Variants in DNAJC1 observed in about 807,000 individuals in gnomAD.
The protein encoded by DNAJC1 is dnaJ homolog subfamily C member 1.
DNAJC1 carries 58 observed loss-of-function variants against 76.6 expected under a neutral mutation model. The ratio of observed to expected loss-of-function variants is 0.76; its 90% CI spans 0.61 to 0.94. The LOEUF is 0.94. Among genes scored for constraint, DNAJC1 ranks in the 40% least tolerant of loss-of-function variants. The pLI is 0.00. For missense variants in DNAJC1, 689 were observed against 677.3 expected (o/e 1.02, Z -0.19); for synonymous variants, 258 against 267.9 (o/e 0.96, Z 0.36).
chr10:21,826,642 C>A (rs1341096006), intron 8 of DNAJC1, among the ~76,000 whole-genome samples: 1 of 152,160 alleles, frequency 6.6e-6, no homozygotes, highest in Non-Finnish European at 1.5e-5. Flanking sequence ...TTAGCTCTTA[C>A]ATTTATATCT....
At chr10:21,994,570 C>T (rs1262371578) in intron 1 of DNAJC1, among the ~76,000 whole-genome samples, 2 of 152,020 alleles carry the variant, frequency 1.3e-5, no homozygotes, top group Non-Finnish European at 2.9e-5. Flanking sequence ...AGGTGGATCA[C>T]GAGGTCAGGA....
At chr10:21,853,743 G>A (rs1008683286) in intron 8 of DNAJC1, among the ~76,000 whole-genome samples, 7 of 126,388 alleles carry the variant, frequency 5.5e-5, no homozygotes, top group African/African-American at 2.2e-4. Flanking sequence ...GCAGTAAGCC[G>A]AGATTGCACA....
chr10:21,896,854 G>A (rs1378058595), intron 7 of DNAJC1, among the ~76,000 whole-genome samples: 3 of 152,092 alleles, frequency 2.0e-5, no homozygotes, highest in African/African-American at 4.8e-5. Context: ...AGGTGATGAG[G>A]TCATGAGGGC....
rs568239985 is a variant in DNAJC1, at chr10:21,777,244, T to G, written c.1099-10935A>C. On this transcript the variant is annotated intron_variant, in intron 9 of 11. Transcript: ENST00000376980. ...AGGTAAGATATAGGGCTCTGATGAG[T>G]AAGTACAAATTACAAATTCAGTATA... Among the ~76,000 whole-genome samples, 291 of 152,238 alleles carry G rather than the reference T, an allele frequency of 1.9e-3. 2 individuals carry two copies. The highest frequency in any genetic ancestry group is 0.01 in the Middle Eastern group (3 of 294).
In DNAJC1 at chr10:21,841,655, G is replaced by T. The variant is rs1449934814; in HGVS notation, c.979-35556C>A. On this transcript the variant is annotated intron_variant, in intron 8 of 11. Coordinates refer to ENST00000376980, the MANE Select transcript of DNAJC1 (RefSeq NM_022365.4). The stretch of plus-strand genomic sequence containing the variant: ...TAGGAACATTTTTACACTGTTGGTG[G>T]GACTGTAAACTAGTTCAACCATTGT... Among the ~76,000 whole-genome samples the T allele has an allele frequency of 2.0e-5, 3 of 152,264 alleles. No homozygotes were observed. The East Asian group carries it at 5.8e-4, about 29-fold the overall frequency.
chr10:21,947,673 CT>C (rs1032612180), intron 1 of DNAJC1, among the ~76,000 whole-genome samples: 2 of 152,170 alleles, frequency 1.3e-5, no homozygotes, highest in African/African-American at 2.4e-5. Flanking sequence ...ATCGGCACCC[CT>C]AACCCCTCTG....
rs1836710384 is a variant in DNAJC1 at position 21,904,504 on chromosome 10, CTAA to C, written c.820+15_820+17del. The C allele has an allele frequency of 3.5e-6, 5 of 1,444,122 alleles. No homozygotes were observed. Among genetic ancestry groups the C allele is most frequent in the Non-Finnish European group, 4.7e-6 (5 of 1,062,620 alleles). 89.5% of individuals were successfully genotyped at this position (1,444,122 alleles called of 1,614,324 possible). A position where few individuals can be genotyped will look rare whatever the true frequency, so the allele number is the denominator to read the frequency against. Reference sequence around the variant, plus strand: ...AATTTTATATGACATTGTTAAAACACTAATGTTTAAAACTCACTTTGAAGTGTT... The same window carrying C: ...AATTTTATATGACATTGTTAAAACACTGTTTAAAACTCACTTTGAAGTGTT... On this transcript the variant is annotated intron_variant, in intron 7 of 11. Coordinates refer to ENST00000376980, the MANE Select transcript of DNAJC1 (RefSeq NM_022365.4).
intron 8 of DNAJC1, among the ~76,000 whole-genome samples, chr10:21,819,710 A>G (rs756512607): frequency 6.6e-6 from 1 of 151,948 alleles, no homozygotes; most frequent in Non-Finnish European, 1.5e-5. Context: ...CGGGTAGATC[A>G]CCTGAGGTCA....
chr10:21,859,940 C>T (rs1835895464), intron 8 of DNAJC1, among the ~76,000 whole-genome samples: 1 of 152,022 alleles, frequency 6.6e-6, no homozygotes, highest in Non-Finnish European at 1.5e-5. Context: ...TGTGCAACCA[C>T]ATCTGGCTAA....
chr10:21,835,460 G>A (rs894951380), intron 8 of DNAJC1, among the ~76,000 whole-genome samples: 2 of 152,190 alleles, frequency 1.3e-5, no homozygotes, highest in South Asian at 4.1e-4. Context: ...ACCAGCAAGG[G>A]AACAAAGCTG....
At chr10:21,921,021 T>G (rs1052621214) in intron 3 of DNAJC1, 58 bp from the exon 4 acceptor site, 3 of 1,389,648 alleles carry the variant, frequency 2.2e-6, no homozygotes, top group Non-Finnish European at 2.9e-6. Context: ...CAAAAAAAAC[T>G]ATTTGTGCCT....
intron 8 of DNAJC1, among the ~76,000 whole-genome samples, chr10:21,862,490 G>A (rs182474279): frequency 1.4e-3 from 200 of 145,476 alleles, no homozygotes; most frequent in Admixed American, 2.2e-3. Flanking sequence ...GTGCAGTCGT[G>A]TGATCTTGGC....
chr10:21,833,448 G>A (rs1835394862), intron 8 of DNAJC1, among the ~76,000 whole-genome samples: 1 of 152,086 alleles, frequency 6.6e-6, no homozygotes, highest in South Asian at 2.1e-4. Context: ...TCCAGCTGAG[G>A]CAACAGTGTG....
At chr10:21,905,830 G>A (rs1241916161) in intron 6 of DNAJC1, among the ~76,000 whole-genome samples, 1 of 151,884 alleles carries the variant, frequency 6.6e-6, no homozygotes, top group African/African-American at 2.4e-5. Context: ...GAAAAAGAAG[G>A]GTTTCAAGAA....
intron 1 of DNAJC1, among the ~76,000 whole-genome samples, chr10:21,940,695 C>G (rs1015965435): frequency 6.6e-6 from 1 of 152,044 alleles, no homozygotes; most frequent in African/African-American, 2.4e-5. Flanking sequence ...AAAAAGTAAG[C>G]GTTCTCCAAA....
In DNAJC1 at chr10:21,922,138, G is replaced by A. The variant is rs117914849; in HGVS notation, c.372-1175C>T. Among the ~76,000 whole-genome samples the A allele has an allele frequency of 6.6e-3, 998 of 152,040 alleles. 5 individuals are homozygous for A. The highest frequency in any genetic ancestry group is 0.01 in the Non-Finnish European group (699 of 67,874). ...TAGGTTTTTCTCAAGTAAATTGACC[G>A]ATCTAGGAATAATAGCGCAGCTGCT... On this transcript the variant is annotated intron_variant, in intron 3 of 11. Coordinates refer to ENST00000376980, the MANE Select transcript of DNAJC1 (RefSeq NM_022365.4).
chr10:21,850,015 C>T (rs897957492), intron 8 of DNAJC1, among the ~76,000 whole-genome samples: 3 of 152,152 alleles, frequency 2.0e-5, no homozygotes, highest in Non-Finnish European at 4.4e-5. Context: ...TAACATCATA[C>T]TCAATGGTAA....
At chr10:21,784,905 TG>T (rs1554886073) in intron 9 of DNAJC1, among the ~76,000 whole-genome samples, 1 of 140,240 alleles carries the variant, frequency 7.1e-6, no homozygotes, top group Non-Finnish European at 1.5e-5. Context: ...TGTCATGGGG[TG>T]GGGGGCAGGG....
chr10:21,909,309 T>C (rs891429837), intron 6 of DNAJC1, among the ~76,000 whole-genome samples: 8 of 152,262 alleles, frequency 5.3e-5, no homozygotes, highest in Non-Finnish European at 1.2e-4. Flanking sequence ...TACGTAATTA[T>C]AGAGCATAGG....
Sources: gnomAD v4.1 joint callset for allele counts (sites outside exome capture counted in the v4.1 genomes callset) on GRCh38, gnomAD v4.1.1 for gene constraint, MANE v1.5 for transcripts, NCBI Gene and HGNC (gene_info 2026-07-23, HGNC 2026-07-21) for gene names.